ZNF705B: variants seen among roughly 807,000 people sequenced by gnomAD.
ZNF705B encodes the protein Putative zinc finger protein 705D-like protein LOC100132396.
ZNF705B carries 1 observed loss-of-function variant against 10.5 expected under a neutral mutation model. That is an observed-to-expected ratio of 0.10 (90% CI 0.03 to 0.45). ZNF705B has a LOEUF of 0.45. Ranked by LOEUF, ZNF705B falls within the 20% of genes least tolerant of loss-of-function variation. The probability of loss-of-function intolerance (pLI) is 0.97; values close to 1 mark genes in which losing one functional copy is unlikely to be tolerated. For synonymous variants in ZNF705B, 4 were observed against 25.4 expected, an observed-to-expected ratio of 0.16 and a Z score of 2.53; for missense variants, 14 against 84.0, an observed-to-expected ratio of 0.17 and a Z score of 3.26.
At chr8:7,949,583 T>C (rs1313343347) in intron 4 of ZNF705B, among the ~76,000 whole-genome samples, 1 of 101,942 alleles carries the variant, frequency 9.8e-6, no homozygotes, top group African/African-American at 2.9e-5. Flanking sequence ...TAAATAACTC[T>C]TCTGCTTTAG....
intron 2 of ZNF705B, among the ~76,000 whole-genome samples, chr8:7,940,804 C>T (rs1258721470): frequency 7.6e-6 from 1 of 131,498 alleles, no homozygotes; most frequent in African/African-American, 2.6e-5. Context: ...TATTCCATTG[C>T]ATATATGTAT....
chr8:7,937,658 G>A (rs1389259807), intron 2 of ZNF705B, among the ~76,000 whole-genome samples: 3 of 118,306 alleles, frequency 2.5e-5, no homozygotes, highest in African/African-American at 7.7e-5. Flanking sequence ...AGTGAGACAG[G>A]AATTCAGTAA....
At chr8:7,935,750 A>G (rs569849267) in intron 2 of ZNF705B, among the ~76,000 whole-genome samples, 2 of 88,770 alleles carry the variant, frequency 2.3e-5, no homozygotes, top group East Asian at 6.5e-4. Context: ...TGCTTTTCTG[A>G]AGACAATGGT....
chr8:7,930,453 C>A lies in ZNF705B; in HGVS notation c.-72+17C>A, dbSNP rs2128941556. The A allele has an allele frequency of 2.6e-5, 2 of 76,540 alleles. No homozygotes were observed. Among genetic ancestry groups the A allele is most frequent in the South Asian group, 1.2e-3 (2 of 1,694 alleles). The allele number at this position is 76,540 out of a possible 1,614,324, so 4.7% of individuals were successfully genotyped here. A position where few individuals can be genotyped will look rare whatever the true frequency, so the allele number is the denominator to read the frequency against. Reference sequence around the variant, plus strand: ...CAGCCTCAGGTAAGCTACAAGTCCACCTGGAGGATGATGAAGTGGATGCCC... The same window carrying A: ...CAGCCTCAGGTAAGCTACAAGTCCAACTGGAGGATGATGAAGTGGATGCCC... On this transcript the variant is annotated intron_variant, in intron 2 of 6. Coordinates refer to ENST00000400120, the MANE Select transcript of ZNF705B (RefSeq NM_001193630.1).
intron 2 of ZNF705B, among the ~76,000 whole-genome samples, chr8:7,932,228 T>C (rs1214063711): frequency 1.7e-5 from 2 of 121,124 alleles, no homozygotes; most frequent in African/African-American, 5.0e-5. Flanking sequence ...TTTTTACCTT[T>C]TCACCACACT....
chr8:7,929,105 A>G (rs1311958028), intron 1 of ZNF705B, among the ~76,000 whole-genome samples: 1 of 121,694 alleles, frequency 8.2e-6, no homozygotes, highest in Admixed American at 9.3e-5. Context: ...AAAAGAAGAG[A>G]GAGAATTTAA....
At chr8:7,931,858 G>A (rs1232586288) in intron 2 of ZNF705B, among the ~76,000 whole-genome samples, 17 of 125,868 alleles carry the variant, frequency 1.4e-4, no homozygotes, top group African/African-American at 3.5e-4. Flanking sequence ...GTAGGCTAGA[G>A]TGATGGGGAC....
At chr8:7,927,951 C>T (rs1217493940) in intron 1 of ZNF705B, among the ~76,000 whole-genome samples, 5 of 139,096 alleles carry the variant, frequency 3.6e-5, no homozygotes, top group South Asian at 2.5e-4. Flanking sequence ...AGTTTCCTCC[C>T]TGCCTTCCTT....
intron 2 of ZNF705B, among the ~76,000 whole-genome samples, chr8:7,941,263 A>G (rs1260048413): frequency 1.4e-5 from 2 of 145,404 alleles, no homozygotes; most frequent in African/African-American, 5.0e-5. Flanking sequence ...AGGAATCACC[A>G]TACTGTCTTC....
rs56377242 is a variant in ZNF705B at position 7,941,228 on chromosome 8, C to T, written c.-71-6123C>T. Among the ~76,000 whole-genome samples the T allele has an allele frequency of 9.4e-3, 1,240 of 132,334 alleles. 13 individuals carry two copies. Among genetic ancestry groups the T allele is most frequent in the African/African-American group, 0.025 (895 of 35,836 alleles). The allele number at this position is 132,334 out of a possible 152,430, so 86.8% of individuals were successfully genotyped here. ...CCAGTAATGGGATTGCTGGGTCAAGCGGTATTTCTGGTTGTAGGTCTTTGA... is the reference window on the plus strand; with the variant it reads ...CCAGTAATGGGATTGCTGGGTCAAGTGGTATTTCTGGTTGTAGGTCTTTGA... On this transcript the variant is annotated intron_variant, in intron 2 of 6. Coordinates refer to ENST00000400120, the MANE Select transcript of ZNF705B (RefSeq NM_001193630.1).
chr8:7,936,517 T>C (rs2740648), intron 2 of ZNF705B, among the ~76,000 whole-genome samples: 11,188 of 117,444 alleles, frequency 0.095, 1,467 homozygotes, highest in African/African-American at 0.21. Flanking sequence ...GTAGTACATA[T>C]ATGTCACGGA....
intron 1 of ZNF705B, among the ~76,000 whole-genome samples, chr8:7,929,644 T>A (rs1819786971): frequency 8.2e-6 from 1 of 121,508 alleles, no homozygotes; most frequent in Non-Finnish European, 2.0e-5. Context: ...ATTTGAACAT[T>A]TGAATCAGGA....
At chr8:7,937,251 G>T (rs1445884507) in intron 2 of ZNF705B, among the ~76,000 whole-genome samples, 3 of 118,152 alleles carry the variant, frequency 2.5e-5, no homozygotes, top group Non-Finnish European at 6.0e-5. Context: ...CCCTCTCTCT[G>T]TGTCCTCCTC....
intron 2 of ZNF705B, chr8:7,934,692 CTGTGTGTGTGTG>C (rs772466497): frequency 5.1e-5 from 4 of 78,994 alleles, no homozygotes; most frequent in African/African-American, 9.0e-5. Flanking sequence ...GTGTGTGTGT[CTGTGTGTGTGTG>C]TGTGTGTGTG....
At chr8:7,927,597 T>C (rs1168386049) in intron 1 of ZNF705B, among the ~76,000 whole-genome samples, 1 of 118,688 alleles carries the variant, frequency 8.4e-6, no homozygotes, top group African/African-American at 2.5e-5. Flanking sequence ...GATTTTTTTT[T>C]TTTTCCTGAG....
At chr8:7,926,695 C>T (rs1196798046) in intron 1 of ZNF705B, among the ~76,000 whole-genome samples, 2 of 110,906 alleles carry the variant, frequency 1.8e-5, no homozygotes, top group African/African-American at 5.3e-5. Context: ...GACCTTTACC[C>T]ACTTGGCCCA....
At position 7,937,140 on chromosome 8, in the gene ZNF705B, G is replaced by A. The variant is rs1442619789; in HGVS notation, c.-72+6704G>A. Reference sequence around the variant, plus strand: ...AGTTGAGGAAATAAGCTGATGGAAAGGAAGAAACTTGCCCAAGATTACCCA... The same window carrying A: ...AGTTGAGGAAATAAGCTGATGGAAAAGAAGAAACTTGCCCAAGATTACCCA... On this transcript the variant is annotated intron_variant, in intron 2 of 6. Coordinates refer to ENST00000400120, the MANE Select transcript of ZNF705B (RefSeq NM_001193630.1). Among the ~76,000 whole-genome samples, 3 of 115,074 alleles carry A rather than the reference G, an allele frequency of 2.6e-5. 1 individual carries two copies. The highest frequency in any genetic ancestry group is 2.1e-5 in the Non-Finnish European group (1 of 48,544). The allele number at this position is 115,074 out of a possible 152,430, so 75.5% of individuals were successfully genotyped here. A position where few individuals can be genotyped will look rare whatever the true frequency, so the allele number is the denominator to read the frequency against.
At chr8:7,938,398 A>AG (rs1820072104) in intron 2 of ZNF705B, among the ~76,000 whole-genome samples, 1 of 121,718 alleles carries the variant, frequency 8.2e-6, no homozygotes, top group African/African-American at 2.9e-5. Context: ...TTGCCGAAAG[A>AG]GGAGCTTTGG....
intron 1 of ZNF705B, among the ~76,000 whole-genome samples, chr8:7,926,923 T>C (rs1819706297): frequency 1.8e-5 from 2 of 111,738 alleles, no homozygotes; most frequent in African/African-American, 5.2e-5. Flanking sequence ...GTTTTGATTG[T>C]GGATAGTTCA....
Sources: allele counts gnomAD v4.1 joint callset (sites outside exome capture counted in the v4.1 genomes callset), GRCh38; gene constraint gnomAD v4.1.1; transcripts MANE v1.5; gene names NCBI Gene and HGNC (gene_info 2026-07-23, HGNC 2026-07-21).